NPY2R: variants seen among roughly 807,000 people sequenced by gnomAD.
NPY2R encodes the protein neuropeptide Y receptor Y2.
Under a neutral mutation model 22.3 loss-of-function variants are expected in NPY2R, and 17 were observed. The ratio of observed to expected loss-of-function variants is 0.76; its 90% confidence interval spans 0.52 to 1.14. The LOEUF (loss-of-function observed/expected upper bound fraction) is 1.14. NPY2R is among the 50% of genes most tolerant of loss of function. The pLI is 0.00. For synonymous variants in NPY2R, 209 were observed against 183.4 expected (o/e 1.14, Z -1.13); for missense variants, 424 against 467.9 (o/e 0.91, Z 0.87).
At chr4:155,174,773 A>C in the NPY2R span, among the ~76,000 whole-genome samples, 4 of 151,794 alleles carry the variant, frequency 2.6e-5, no homozygotes, top group Admixed American at 2.6e-4. Context: ...TGGAGAGTTC[A>C]GGAAAGAAAG....
chr4:155,188,370 T>C, the NPY2R span, among the ~76,000 whole-genome samples: 2 of 152,106 alleles, frequency 1.3e-5, no homozygotes, highest in African/African-American at 4.8e-5. Context: ...AAGTCTCTGA[T>C]TCAGTGTTTT....
Position 155,215,369 on chromosome 4 carries a change from G to A in NPY2R, c.*284G>A, listed in dbSNP as rs1729494462. On this transcript the variant is annotated 3_prime_UTR_variant, in exon 2 of 2. Coordinates refer to ENST00000329476, the MANE Select transcript of NPY2R (RefSeq NM_000910.4). The stretch of plus-strand genomic sequence containing the variant: ...GTACTTTTGATTATTTTCCTGGAGT[G>A]AAGAAAACTTGAACAAGAAATTGGT... The A allele has an allele frequency of 4.0e-6, 2 of 497,258 alleles. No individual in the cohort carries two copies. The highest frequency in any genetic ancestry group is 7.6e-6 in the Non-Finnish European group (2 of 264,534). 30.8% of individuals were successfully genotyped at this position (497,258 alleles called of 1,614,324 possible).
At chr4:155,187,019 A>G in the NPY2R span, among the ~76,000 whole-genome samples, 1 of 152,202 alleles carries the variant, frequency 6.6e-6, no homozygotes, top group Non-Finnish European at 1.5e-5. Context: ...ATTATTCTCT[A>G]TGAAGTAATT....
chr4:155,199,112 A>C, the NPY2R span, among the ~76,000 whole-genome samples: 1 of 152,022 alleles, frequency 6.6e-6, no homozygotes, highest in Admixed American at 6.6e-5. Flanking sequence ...CACCATGTTC[A>C]TCTAAGTGCA....
the NPY2R span, among the ~76,000 whole-genome samples, chr4:155,196,864 G>T: frequency 1.3e-5 from 2 of 151,832 alleles, no homozygotes; most frequent in South Asian, 2.1e-4. Context: ...GCTCATCTAG[G>T]CTATAGAGTT....
chr4:155,175,034 A>G, the NPY2R span, among the ~76,000 whole-genome samples: 97 of 152,220 alleles, frequency 6.4e-4, 1 homozygote, highest in African/African-American at 2.2e-3. Context: ...GAAAGGGAAA[A>G]GATAATTCAT....
the NPY2R span, among the ~76,000 whole-genome samples, chr4:155,180,432 A>G: frequency 2.4e-4 from 36 of 152,272 alleles, no homozygotes; most frequent in African/African-American, 8.7e-4. Flanking sequence ...ATCTTCCCTC[A>G]ACTTGAAACA....
the NPY2R span, among the ~76,000 whole-genome samples, chr4:155,199,129 G>A: frequency 6.6e-6 from 1 of 151,880 alleles, no homozygotes; most frequent in African/African-American, 2.4e-5. Flanking sequence ...TGCACACATT[G>A]TAAATACCCC....
intron 1 of NPY2R, among the ~76,000 whole-genome samples, chr4:155,211,863 T>C (rs897198041): frequency 3.3e-5 from 5 of 152,124 alleles, no homozygotes; most frequent in African/African-American, 1.2e-4. Flanking sequence ...GTCTGTCCTA[T>C]GAAAACCAGA....
At chr4:155,213,157 A>G (rs1274827720) in intron 1 of NPY2R, among the ~76,000 whole-genome samples, 1 of 152,152 alleles carries the variant, frequency 6.6e-6, no homozygotes, top group African/African-American at 2.4e-5. Flanking sequence ...GGAGTGAGGG[A>G]TAAAAAAACT....
At chr4:155,178,365 C>T in the NPY2R span, among the ~76,000 whole-genome samples, 1 of 152,066 alleles carries the variant, frequency 6.6e-6, no homozygotes, top group Non-Finnish European at 1.5e-5. Flanking sequence ...CATCTTTGCT[C>T]AAGATAATTT....
At chr4:155,212,101 C>T (rs1345777195) in intron 1 of NPY2R, among the ~76,000 whole-genome samples, 2 of 152,162 alleles carry the variant, frequency 1.3e-5, no homozygotes, top group Non-Finnish European at 2.9e-5. Context: ...CACATAGGCC[C>T]AGCCAAGCAT....
the NPY2R span, among the ~76,000 whole-genome samples, chr4:155,193,643 C>A: frequency 6.6e-6 from 1 of 151,892 alleles, no homozygotes; most frequent in African/African-American, 2.4e-5. Flanking sequence ...CTAGGCATGG[C>A]ACTGAAGGAA....
In NPY2R at chr4:155,216,367, T is replaced by A. The variant is rs112683521; in HGVS notation, c.*1282T>A. ...ATTATGAATAAAATTGTTATTTCAA[T>A]AGTACCCAACCAAAGATGCTTAAAA... On this transcript the variant is annotated 3_prime_UTR_variant, in exon 2 of 2. Coordinates refer to ENST00000329476, the MANE Select transcript of NPY2R (RefSeq NM_000910.4). 8 of 166,900 alleles carry A rather than the reference T, an allele frequency of 4.8e-5. No homozygotes were observed. Among genetic ancestry groups the A allele is most frequent in the African/African-American group, 1.9e-4 (8 of 41,570 alleles). 10.3% of individuals were successfully genotyped at this position (166,900 alleles called of 1,614,324 possible). A position where few individuals can be genotyped will look rare whatever the true frequency, so the allele number is the denominator to read the frequency against.
At chr4:155,208,393 G>A (rs1729325895), upstream of NPY2R, 1 of 152,260 alleles carries the variant, frequency 6.6e-6, no homozygotes, top group Admixed American at 6.5e-5. The surrounding 1 kb of genome is among the most constrained non-coding windows in gnomAD (Gnocchi z 5.6). Context: ...TGGTGAAGTC[G>A]GCCTCAAGTC....
Position 155,215,111 on chromosome 4 carries a change from G to A in NPY2R, c.*26G>A, listed in dbSNP as rs1312015916. ...GGAAGCTGTGGTGTGAAAATGTATG[G>A]ATGAATTCTGACCAGAGCTATGAAT... On this transcript the variant is annotated 3_prime_UTR_variant, in exon 2 of 2. Transcript: ENST00000329476. 2 of 1,596,480 alleles carry A rather than the reference G, an allele frequency of 1.3e-6. No individual in the cohort carries two copies. Among genetic ancestry groups the A allele is most frequent in the African/African-American group, 1.3e-5 (1 of 74,594 alleles).
At chr4:155,211,329 A>C (rs1458190307) in intron 1 of NPY2R, among the ~76,000 whole-genome samples, 5 of 152,206 alleles carry the variant, frequency 3.3e-5, no homozygotes, top group African/African-American at 1.2e-4. Flanking sequence ...AGAAGTGAGC[A>C]CAGGGGCTTG....
At chr4:155,186,931 C>G in the NPY2R span, among the ~76,000 whole-genome samples, 2 of 150,324 alleles carry the variant, frequency 1.3e-5, no homozygotes, top group Non-Finnish European at 2.9e-5. Flanking sequence ...CCTTAAAAGT[C>G]TAACACATAT....
the NPY2R span, among the ~76,000 whole-genome samples, chr4:155,185,528 T>C: frequency 1.3e-5 from 2 of 152,194 alleles, no homozygotes; most frequent in Admixed American, 6.5e-5. Context: ...AAAGTTCTTA[T>C]AATACTGTTA....
Sources: gnomAD v4.1 joint callset for allele counts (sites outside exome capture counted in the v4.1 genomes callset) on GRCh38, gnomAD v4.1.1 for gene constraint, Gnocchi (gnomAD v3.1) non-coding constraint, MANE v1.5 for transcripts, NCBI Gene and HGNC (gene_info 2026-07-23, HGNC 2026-07-21) for gene names.